NCKAP1: variants seen among roughly 807,000 people sequenced by gnomAD.
NCKAP1 encodes nck-associated protein 1.
Under a neutral mutation model 151.2 loss-of-function variants are expected in NCKAP1, and 21 were observed. The ratio of observed to expected loss-of-function variants is 0.14; its 90% CI spans 0.10 to 0.20. NCKAP1 has a LOEUF of 0.20. Ranked by LOEUF, NCKAP1 falls within the 10% of genes least tolerant of loss-of-function variation. NCKAP1 has a pLI of 1.00. For missense variants in NCKAP1, 933 were observed against 1,352.1 expected, an observed-to-expected ratio of 0.69 and a Z score of 4.86; for synonymous variants, 484 against 451.8, an observed-to-expected ratio of 1.07 and a Z score of -0.90.
intron 15 of NCKAP1, among the ~76,000 whole-genome samples, chr2:182,975,543 T>G (rs1288576162): frequency 1.3e-5 from 2 of 152,072 alleles, no homozygotes; most frequent in African/African-American, 2.4e-5. Flanking sequence ...AAAAATGGCT[T>G]CCACAAAAAA....
At position 182,981,307 on chromosome 2, in the gene NCKAP1, C is replaced by T; in HGVS notation, c.1278G>A (p.Met426Ile). 1.2e-6 allele frequency: 2 copies of T among 1,612,880 alleles called. No homozygotes were observed. Among genetic ancestry groups the T allele is most frequent in the South Asian group, 2.2e-5 (2 of 91,068 alleles). ...RAHVRKYGPV[M>I]QRYYVQYLSG... Reference sequence around the variant, plus strand: ...AAAGGTACTGCACGTAATACCTCTGCATTACAGGTCCGTATTTCCTCACAT... The same window carrying T: ...AAAGGTACTGCACGTAATACCTCTGTATTACAGGTCCGTATTTCCTCACAT... Residue 426 changes from methionine (M) to isoleucine (I), a missense_variant, in exon 13 of 31, where the codon ATG (methionine) becomes ATA (isoleucine). Met to Ile is a conservative substitution (Grantham distance 10, BLOSUM62 1). Coordinates refer to ENST00000361354, the MANE Select transcript of NCKAP1 (RefSeq NM_013436.5).
intron 1 of NCKAP1, among the ~76,000 whole-genome samples, chr2:183,037,223 G>A (rs1038646782): frequency 6.6e-6 from 1 of 152,154 alleles, no homozygotes; most frequent in African/African-American, 2.4e-5. Context: ...AGCAGCAATT[G>A]CAACATTTTT....
chr2:182,984,423 G>GGT lies in NCKAP1; in HGVS notation c.1005-1043_1005-1042dup, dbSNP rs4018678. Among the ~76,000 whole-genome samples the GGT allele has an allele frequency of 2.4e-3, 340 of 144,382 alleles. 2 individuals carry two copies. Among genetic ancestry groups the GGT allele is most frequent in the African/African-American group, 8.1e-3 (324 of 39,964 alleles). The allele number at this position is 144,382 out of a possible 152,430, so 94.7% of individuals were successfully genotyped here. A position where few individuals can be genotyped will look rare whatever the true frequency, so the allele number is the denominator to read the frequency against. ...AAGAAAGTTTTAGAATTTAGATTGG[G>GGT]GTGTGTGTGTGTGTGTGTGTGTGTG... is the stretch of plus-strand genomic sequence containing the variant. On this transcript the variant is annotated intron_variant, in intron 10 of 30. Transcript: ENST00000361354.
chr2:183,007,755 G>A (rs35175570), intron 2 of NCKAP1, among the ~76,000 whole-genome samples: 5,267 of 152,182 alleles, frequency 0.035, 128 homozygotes, highest in Middle Eastern at 0.12. Context: ...CAAAGTAAGA[G>A]TGCACTGAGA....
chr2:182,985,668 C>G (rs1461614824), intron 10 of NCKAP1, among the ~76,000 whole-genome samples: 1 of 151,540 alleles, frequency 6.6e-6, no homozygotes, highest in Non-Finnish European at 1.5e-5. Context: ...TGGGAATGTA[C>G]GGCGGGTGCC....
intron 30 of NCKAP1, among the ~76,000 whole-genome samples, 198 bp downstream of exon 30, chr2:182,926,618 G>T (rs1156616181): frequency 1.3e-5 from 2 of 152,014 alleles, no homozygotes; most frequent in Non-Finnish European, 2.9e-5. Context: ...GCTAACCTTT[G>T]ATTGTTATCT....
At chr2:183,026,346 C>T (rs1451451448) in intron 1 of NCKAP1, among the ~76,000 whole-genome samples, 1 of 151,940 alleles carries the variant, frequency 6.6e-6, no homozygotes, top group Admixed American at 6.6e-5. Context: ...TGTGGTGGTG[C>T]ACAACTGTAC....
chr2:182,928,268 A>G (rs771963531), intron 28 of NCKAP1, 42 bp from the exon 29 acceptor site: 2 of 1,355,186 alleles, frequency 1.5e-6, no homozygotes, highest in South Asian at 2.5e-5. Flanking sequence ...CCAAAATAGC[A>G]AATAATACAT....
At chr2:183,001,066 T>C (rs1403918228) in intron 6 of NCKAP1, among the ~76,000 whole-genome samples, 1 of 152,182 alleles carries the variant, frequency 6.6e-6, no homozygotes, top group Admixed American at 6.5e-5. Flanking sequence ...GCATTCCGGC[T>C]GGGGCGACAG....
rs1237033810 is a variant in NCKAP1 at position 182,934,841 on chromosome 2, G to T, written c.2779-9C>A. ...ATGTGGTAGGATAAGACCTAGGCAGGATAACAAATAAGAATACAGAATTAT... is the reference window on the plus strand; with the variant it reads ...ATGTGGTAGGATAAGACCTAGGCAGTATAACAAATAAGAATACAGAATTAT... On this transcript the variant is annotated splice_polypyrimidine_tract_variant and intron_variant, in intron 25 of 30. Coordinates refer to ENST00000361354, the MANE Select transcript of NCKAP1 (RefSeq NM_013436.5). The T allele has an allele frequency of 3.1e-6, 4 of 1,289,072 alleles. No individual in the cohort carries two copies. The East Asian group carries it at 9.8e-5, about 32-fold the overall frequency. The allele number at this position is 1,289,072 out of a possible 1,614,324, so 79.9% of individuals were successfully genotyped here.
intron 3 of NCKAP1, 65 bp downstream of exon 3, chr2:183,003,168 C>A: frequency 1.6e-6 from 2 of 1,245,828 alleles, no homozygotes; most frequent in Non-Finnish European, 2.2e-6. Context: ...CACAGCAATT[C>A]ACACAATTAA....
chr2:182,935,423 G>A (rs1696853887), intron 24 of NCKAP1, 48 bp from the exon 25 acceptor site: 2 of 1,154,596 alleles, frequency 1.7e-6, no homozygotes, highest in Non-Finnish European at 2.4e-6. Context: ...AGTGTGAACT[G>A]GATTCTTTCT....
At chr2:183,013,202 G>T (rs1698621850) in intron 2 of NCKAP1, among the ~76,000 whole-genome samples, 1 of 148,596 alleles carries the variant, frequency 6.7e-6, no homozygotes, top group African/African-American at 2.5e-5. Context: ...CAACTTGACA[G>T]TCAGCTTAAA....
chr2:182,957,791 G>A (rs568772863), intron 18 of NCKAP1, among the ~76,000 whole-genome samples, 195 bp from the exon 19 acceptor site: 15 of 152,266 alleles, frequency 9.9e-5, no homozygotes, highest in South Asian at 2.1e-4. Context: ...AAACAGAAAC[G>A]GGTAGATCTT....
intron 2 of NCKAP1, among the ~76,000 whole-genome samples, chr2:183,008,816 A>T (rs1406755846): frequency 1.3e-5 from 2 of 152,218 alleles, no homozygotes; most frequent in Non-Finnish European, 2.9e-5. Context: ...ACTTCACATT[A>T]TGTCCTTCCA....
chr2:182,994,905 T>C lies in NCKAP1; in HGVS notation c.742-18A>G, dbSNP rs572171223. 25 of 1,582,142 alleles carry C rather than the reference T, an allele frequency of 1.6e-5. No individual in the cohort carries two copies. The highest frequency in any genetic ancestry group is 2.2e-5 in the Non-Finnish European group (25 of 1,152,874). ...CAAGGCATCTTAAAAAGAGAATATA[T>C]ACATTTGCAGTTAAAAGAAATTCTA... On this transcript the variant is annotated intron_variant, in intron 7 of 30. Transcript: ENST00000361354.
At position 183,002,974 on chromosome 2, in the gene NCKAP1, A is replaced by G; in HGVS notation, c.369T>C (p.Ile123=). The G allele has an allele frequency of 6.2e-7, 1 of 1,605,330 alleles. No homozygotes were observed. Among genetic ancestry groups the G allele is most frequent in the Non-Finnish European group, 8.5e-7 (1 of 1,173,826 alleles). The change falls in exon 4 of 31, where the codon ATT becomes ATC. Residue 123 remains isoleucine, a splice_region_variant and synonymous_variant. Transcript: ENST00000361354. ...ACATTTTTCTGAAAATGATACTTACAATATCAAAGAAGACTTGGCAAACGT... is the reference window on the plus strand; with the variant it reads ...ACATTTTTCTGAAAATGATACTTACGATATCAAAGAAGACTTGGCAAACGT... ...TIDVCQVFFD[I]TVNFDLTKNY...
At chr2:182,953,435 T>A (rs1338564558) in intron 20 of NCKAP1, 104 bp from the exon 21 acceptor site, 2 of 690,548 alleles carry the variant, frequency 2.9e-6, no homozygotes, top group Non-Finnish European at 4.6e-6. Context: ...AGCAATAAAA[T>A]TAACTTTAAA....
intron 18 of NCKAP1, among the ~76,000 whole-genome samples, chr2:182,961,027 A>G (rs1384765557): frequency 6.6e-6 from 1 of 152,164 alleles, no homozygotes; most frequent in Non-Finnish European, 1.5e-5. Context: ...AAAAACAACA[A>G]TGAGATACCA....
Sources: allele counts gnomAD v4.1 joint callset (sites outside exome capture counted in the v4.1 genomes callset), GRCh38; gene constraint gnomAD v4.1.1; transcripts MANE v1.5; gene names NCBI Gene and HGNC (gene_info 2026-07-23, HGNC 2026-07-21).